Variants in NR6A1 observed in about 807,000 individuals in gnomAD.
NR6A1 encodes the protein nuclear receptor subfamily 6 group A member 1, also known as retinoic acid receptor-related testis-associated receptor.
In NR6A1, 7 loss-of-function variants were observed where a neutral mutation model predicts 59.1. That is an observed-to-expected ratio of 0.12 (90% CI 0.07 to 0.22). The LOEUF is 0.22. Ranked by LOEUF, NR6A1 falls within the 10% of genes least tolerant of loss-of-function variation. NR6A1 has a pLI of 1.00. For synonymous variants in NR6A1, 243 were observed against 236.1 expected, an observed-to-expected ratio of 1.03 and a Z score of -0.27; for missense variants, 468 against 611.6, an observed-to-expected ratio of 0.77 and a Z score of 2.48.
chr9:124,722,662 A>T (rs1373471474), intron 2 of NR6A1, among the ~76,000 whole-genome samples: 1 of 152,066 alleles, frequency 6.6e-6, no homozygotes, highest in African/African-American at 2.4e-5. Context: ...TCCCACCAAC[A>T]CATGTAGAAC....
chr9:124,586,583 C>T (rs949350798), intron 2 of NR6A1, among the ~76,000 whole-genome samples: 2 of 151,958 alleles, frequency 1.3e-5, no homozygotes, highest in African/African-American at 4.8e-5. Context: ...GTAGCTGGGA[C>T]TACAGGCATG....
chr9:124,644,985 A>G (rs572472052), intron 2 of NR6A1, among the ~76,000 whole-genome samples: 48 of 152,394 alleles, frequency 3.1e-4, no homozygotes, highest in African/African-American at 1.1e-3. Flanking sequence ...AAGTCATGTC[A>G]TTACACATTT....
intron 4 of NR6A1, among the ~76,000 whole-genome samples, chr9:124,542,087 A>G (rs1206747579): frequency 6.6e-6 from 1 of 152,212 alleles, no homozygotes; most frequent in African/African-American, 2.4e-5. Flanking sequence ...AGTTCTAAAG[A>G]TTTGCTGTAT....
chr9:124,605,292 GAGGAGAAAATCTACAGATT>G (rs1463916830), intron 2 of NR6A1, among the ~76,000 whole-genome samples: 1 of 152,206 alleles, frequency 6.6e-6, no homozygotes, highest in Non-Finnish European at 1.5e-5. Flanking sequence ...AAAAAAGATG[GAGGAGAAAATCTACAGATT>G]AGGAAAACTA....
intron 2 of NR6A1, among the ~76,000 whole-genome samples, chr9:124,617,727 G>A (rs535238560): frequency 2.0e-5 from 3 of 152,262 alleles, no homozygotes; most frequent in South Asian, 2.1e-4. Context: ...TAAGCCTGGG[G>A]AGTGAAGAAA....
chr9:124,660,961 T>C (rs1837415738), intron 2 of NR6A1, among the ~76,000 whole-genome samples: 1 of 152,138 alleles, frequency 6.6e-6, no homozygotes, highest in African/African-American at 2.4e-5. Context: ...CTTTTTAAAA[T>C]TCCAAAAGAA....
chr9:124,565,623 A>G (rs1241020552), intron 2 of NR6A1, among the ~76,000 whole-genome samples: 1 of 152,198 alleles, frequency 6.6e-6, no homozygotes, highest in African/African-American at 2.4e-5. Context: ...TAAAACTCCT[A>G]TATAAGAATA....
At chr9:124,653,735 G>GA (rs1056627185) in intron 2 of NR6A1, among the ~76,000 whole-genome samples, 4 of 152,162 alleles carry the variant, frequency 2.6e-5, no homozygotes, top group African/African-American at 9.6e-5. Flanking sequence ...TTGAGAAATT[G>GA]AAAAAATAAA....
intron 2 of NR6A1, among the ~76,000 whole-genome samples, chr9:124,576,812 T>A (rs1834610879): frequency 6.6e-6 from 1 of 152,052 alleles, no homozygotes; most frequent in Non-Finnish European, 1.5e-5. Context: ...CTAGTTGAGA[T>A]TAGGGAGGCC....
intron 1 of NR6A1, among the ~76,000 whole-genome samples, chr9:124,768,465 TTGTAAA>T (rs1841003588): frequency 6.6e-6 from 1 of 152,260 alleles, no homozygotes; most frequent in Non-Finnish European, 1.5e-5. Context: ...TGAACATAAA[TTGTAAA>T]ACATTGCACA....
intron 2 of NR6A1, among the ~76,000 whole-genome samples, chr9:124,684,990 C>CAA (rs200480892): frequency 1.0e-4 from 14 of 133,602 alleles, no homozygotes; most frequent in Admixed American, 3.0e-4. Context: ...GAAACTTCTG[C>CAA]AAAAAAAAAA....
chr9:124,746,082 C>G (rs562954524), intron 1 of NR6A1, among the ~76,000 whole-genome samples: 1 of 151,574 alleles, frequency 6.6e-6, no homozygotes, highest in South Asian at 2.1e-4. Flanking sequence ...AAAAAAACTA[C>G]CATTCTCTAA....
intron 1 of NR6A1, among the ~76,000 whole-genome samples, chr9:124,755,562 T>C (rs1840610806): frequency 6.6e-6 from 1 of 152,220 alleles, no homozygotes; most frequent in Admixed American, 6.5e-5. Flanking sequence ...ATGTCTTATC[T>C]GACCTACTGA....
At chr9:124,597,815 T>A (rs577456579) in intron 2 of NR6A1, among the ~76,000 whole-genome samples, 6 of 152,262 alleles carry the variant, frequency 3.9e-5, no homozygotes, top group African/African-American at 1.2e-4. Flanking sequence ...ACACTGCCCA[T>A]GTGAATGCAA....
At chr9:124,599,460 G>A (rs1366188032) in intron 2 of NR6A1, 4 of 444,868 alleles carry the variant, frequency 9.0e-6, no homozygotes, top group Non-Finnish European at 1.8e-5. Context: ...TTCCTCCAGC[G>A]TTTTAAAATT....
chr9:124,568,193 AAAG>A (rs1386851458), intron 2 of NR6A1, among the ~76,000 whole-genome samples: 11 of 150,008 alleles, frequency 7.3e-5, no homozygotes, highest in African/African-American at 2.4e-4. Flanking sequence ...AAAAAAAAAA[AAAG>A]AAACAGAGGC....
chr9:124,537,364 G>C (rs141427442), intron 6 of NR6A1, among the ~76,000 whole-genome samples: 1 of 152,202 alleles, frequency 6.6e-6, no homozygotes, highest in Non-Finnish European at 1.5e-5. Context: ...TGGGATTACA[G>C]GCATGAGCCA....
intron 2 of NR6A1, among the ~76,000 whole-genome samples, chr9:124,700,333 T>C (rs1838901386): frequency 6.6e-6 from 1 of 152,130 alleles, no homozygotes; most frequent in African/African-American, 2.4e-5. Context: ...TAGCTGGGAC[T>C]ACAGGCATAC....
chr9:124,551,188 C>A (rs922314179), intron 3 of NR6A1, among the ~76,000 whole-genome samples: 1 of 152,274 alleles, frequency 6.6e-6, no homozygotes, highest in South Asian at 2.1e-4. Flanking sequence ...AAGCCAAGAT[C>A]TGGGTGCTGG....
Sources: allele counts gnomAD v4.1 joint callset (sites outside exome capture counted in the v4.1 genomes callset), GRCh38; gene constraint gnomAD v4.1.1; transcripts MANE v1.5; gene names NCBI Gene and HGNC (gene_info 2026-07-23, HGNC 2026-07-21).